SULF1: variants seen among roughly 807,000 people sequenced by gnomAD.
SULF1 encodes the protein sulfatase 1, also known as extracellular sulfatase Sulf-1.
Under a neutral mutation model 110.5 loss-of-function variants are expected in SULF1, and 46 were observed. The observed-to-expected ratio is 0.42, with a 90% confidence interval of 0.33 to 0.53. The LOEUF is 0.53. Ranked by LOEUF, SULF1 falls within the 20% of genes least tolerant of loss-of-function variation. SULF1 has a pLI of 0.12. For synonymous variants in SULF1, 371 were observed against 387.1 expected (o/e 0.96, Z 0.49); for missense variants, 941 against 1,094.2 (o/e 0.86, Z 1.98).
chr8:69,588,174 C>T lies in SULF1; in HGVS notation c.565-798C>T, dbSNP rs575803634. On this transcript the variant is annotated intron_variant, in intron 7 of 22. Coordinates refer to ENST00000402687, the MANE Select transcript of SULF1 (RefSeq NM_001128205.2). ...GGTTTAAGTTTTCATCTTTTCTTTC[C>T]TTTTCATTCCATTTCCTCCCTCCCT... 1.8e-3 allele frequency among the ~76,000 whole-genome samples: 268 copies of T among 152,280 alleles called. 1 individual carries two copies. Among genetic ancestry groups the T allele is most frequent in the African/African-American group, 6.3e-3 (260 of 41,562 alleles).
At chr8:69,625,440 C>T (rs1028631704) in intron 15 of SULF1, among the ~76,000 whole-genome samples, 2 of 152,306 alleles carry the variant, frequency 1.3e-5, no homozygotes, top group African/African-American at 2.4e-5. Flanking sequence ...AATGAGGCTG[C>T]GGACCCTCGT....
intron 5 of SULF1, among the ~76,000 whole-genome samples, chr8:69,568,157 TG>T (rs1804935297): frequency 6.6e-6 from 1 of 152,352 alleles, no homozygotes; most frequent in East Asian, 1.9e-4. Context: ...CAAACCTTTT[TG>T]CACCTGTAAT....
chr8:69,642,288 TC>T (rs1811540951), intron 22 of SULF1: 1 of 987,146 alleles, frequency 1.0e-6, no homozygotes, highest in Non-Finnish European at 1.2e-6. Context: ...CTCAGATGCT[TC>T]CTTTTAGAGA....
intron 22 of SULF1, among the ~76,000 whole-genome samples, chr8:69,648,065 A>G (rs1280202403): frequency 1.3e-5 from 2 of 151,100 alleles, no homozygotes; most frequent in African/African-American, 4.9e-5. Context: ...AAAACATATT[A>G]TGTTTCAAGT....
chr8:69,480,378 T>C (rs748233727), intron 1 of SULF1, among the ~76,000 whole-genome samples: 11 of 152,200 alleles, frequency 7.2e-5, no homozygotes, highest in Non-Finnish European at 1.6e-4. Flanking sequence ...TGGATCCCAC[T>C]TCACTGCCTA....
At chr8:69,649,516 T>C (rs773161388) in intron 22 of SULF1, among the ~76,000 whole-genome samples, 11 of 152,274 alleles carry the variant, frequency 7.2e-5, no homozygotes, top group Non-Finnish European at 1.6e-4. Flanking sequence ...TTTGCTTTTC[T>C]GGCCTGGGAT....
At chr8:69,482,792 C>T (rs1809561372) in intron 1 of SULF1, among the ~76,000 whole-genome samples, 1 of 151,986 alleles carries the variant, frequency 6.6e-6, no homozygotes, top group East Asian at 1.9e-4. Context: ...AAATAAACAG[C>T]TGATTAGAGG....
rs1814154984 is a variant in SULF1, at chr8:69,545,080, G to A, written c.-133-18459G>A. On this transcript the variant is annotated intron_variant, in intron 3 of 22. Coordinates refer to ENST00000402687, the MANE Select transcript of SULF1 (RefSeq NM_001128205.2). Reference sequence around the variant, plus strand: ...CCTAAAAAATTATAAAAAGATAAAGGAATTCTTTTTTTTTTTTTTTCATTT... The same window carrying A: ...CCTAAAAAATTATAAAAAGATAAAGAAATTCTTTTTTTTTTTTTTTCATTT... 6.8e-5 allele frequency among the ~76,000 whole-genome samples: 8 copies of A among 117,030 alleles called. No homozygotes were observed. The South Asian group carries it at 2.6e-3, about 38-fold the overall frequency. 76.8% of individuals were successfully genotyped at this position (117,030 alleles called of 152,430 possible). A position where few individuals can be genotyped will look rare whatever the true frequency, so the allele number is the denominator to read the frequency against.
At chr8:69,559,712 C>T (rs1386434570) in intron 3 of SULF1, among the ~76,000 whole-genome samples, 2 of 152,156 alleles carry the variant, frequency 1.3e-5, no homozygotes, top group Admixed American at 1.3e-4. Context: ...AGCTCAGCCA[C>T]CTTCATGCTT....
intron 1 of SULF1, among the ~76,000 whole-genome samples, chr8:69,484,104 G>A (rs1031419420): frequency 1.3e-5 from 2 of 152,164 alleles, no homozygotes; most frequent in South Asian, 2.1e-4. Context: ...CTCCATACCC[G>A]CTACCATTAA....
At chr8:69,523,404 G>A (rs1370216160) in intron 3 of SULF1, among the ~76,000 whole-genome samples, 1 of 152,122 alleles carries the variant, frequency 6.6e-6, no homozygotes, top group African/African-American at 2.4e-5. Context: ...TGAGAGAATG[G>A]AAGAGTCGTG....
chr8:69,619,381 G>C (rs1809424992), intron 13 of SULF1, among the ~76,000 whole-genome samples: 1 of 152,208 alleles, frequency 6.6e-6, no homozygotes, highest in Non-Finnish European at 1.5e-5. Context: ...ATTTTGTAGG[G>C]AGAAGGGGGA....
chr8:69,510,565 T>C (rs961431416), intron 3 of SULF1, among the ~76,000 whole-genome samples: 1 of 152,030 alleles, frequency 6.6e-6, no homozygotes, highest in African/African-American at 2.4e-5. Context: ...AATCCAGTAA[T>C]TCACAAAGCA....
At chr8:69,599,773 G>A (rs756716956) in intron 8 of SULF1, among the ~76,000 whole-genome samples, 15 of 152,162 alleles carry the variant, frequency 9.9e-5, no homozygotes, top group Non-Finnish European at 1.6e-4. Context: ...ATGGCAGAGC[G>A]TGAGGTGGCA....
chr8:69,468,134 A>G (rs1808934043), intron 1 of SULF1, among the ~76,000 whole-genome samples: 1 of 152,210 alleles, frequency 6.6e-6, no homozygotes, highest in Non-Finnish European at 1.5e-5. Flanking sequence ...CAACATTCAT[A>G]TACCTGTGGT....
chr8:69,560,336 A>T (rs1311404333), intron 3 of SULF1, among the ~76,000 whole-genome samples: 1 of 104,746 alleles, frequency 9.5e-6, no homozygotes, highest in Non-Finnish European at 1.8e-5. Flanking sequence ...ACATCCTGCC[A>T]GTCTTTTTTT....
chr8:69,526,076 A>C (rs1181472616), intron 3 of SULF1, among the ~76,000 whole-genome samples: 1 of 152,200 alleles, frequency 6.6e-6, no homozygotes, highest in African/African-American at 2.4e-5. Context: ...CAGGATCCTA[A>C]GCAGAATTGT....
intron 6 of SULF1, among the ~76,000 whole-genome samples, chr8:69,585,224 A>G (rs1806365863): frequency 2.0e-5 from 3 of 152,164 alleles, no homozygotes; most frequent in African/African-American, 4.8e-5. Context: ...TATATAAAAT[A>G]AAGTTTTCTC....
chr8:69,654,446 C>G (rs1296816638), intron 22 of SULF1, among the ~76,000 whole-genome samples: 2 of 152,190 alleles, frequency 1.3e-5, no homozygotes, highest in African/African-American at 2.4e-5. Flanking sequence ...TTTTAACCAC[C>G]AGGCAGTATA....
Sources: gnomAD v4.1 joint callset for allele counts (sites outside exome capture counted in the v4.1 genomes callset) on GRCh38, gnomAD v4.1.1 for gene constraint, MANE v1.5 for transcripts, NCBI Gene and HGNC (gene_info 2026-07-23, HGNC 2026-07-21) for gene names.